SUN3: variants seen among roughly 807,000 people sequenced by gnomAD.
The protein encoded by SUN3 is Sad1 and UNC84 domain containing 3.
Under a neutral mutation model 48.2 loss-of-function variants are expected in SUN3, and 36 were observed. That is an observed-to-expected ratio of 0.75 (90% CI 0.57 to 0.99). The LOEUF (loss-of-function observed/expected upper bound fraction) is 0.99. Among genes scored for constraint, SUN3 ranks in the 50% least tolerant of loss-of-function variants. SUN3 has a pLI of 0.00. For missense variants in SUN3, 419 were observed against 433.1 expected (o/e 0.97, Z 0.29); for synonymous variants, 148 against 147.9 (o/e 1.00, Z 0.00).
Position 47,987,340 on chromosome 7 carries a change from T to C in SUN3, c.1064A>G (p.Lys355Arg), listed in dbSNP as rs762277950. 4 of 1,612,194 alleles carry C rather than the reference T, an allele frequency of 2.5e-6. No homozygotes were observed. Among genetic ancestry groups the C allele is most frequent in the Non-Finnish European group, 3.4e-6 (4 of 1,178,936 alleles). The change falls in exon 10 of 10, where the codon AAG becomes AGG. Residue 355 changes from lysine to arginine, a missense_variant. By Grantham distance (26) the Lys-to-Arg change is conservative (BLOSUM62 2). Coordinates refer to ENST00000297325, the MANE Select transcript of SUN3 (RefSeq NM_001030019.2). ...YRFRVHGTPGKHI is the reference protein window; with the variant it reads ...YRFRVHGTPGRHI ...TCTGTACCAACTCTTCTAGATGTGC[T>C]TGCCTGGTGTGCCATGGACCCTGAA...
chr7:47,996,364 A>G (rs1583748261), intron 6 of SUN3, among the ~76,000 whole-genome samples: 1 of 152,082 alleles, frequency 6.6e-6, no homozygotes, highest in Middle Eastern at 3.4e-3. Flanking sequence ...TTAGTTTCAC[A>G]AAATGTATGA....
the SUN3 span, among the ~76,000 whole-genome samples, chr7:48,035,211 TGAG>T: frequency 2.6e-5 from 4 of 152,300 alleles, no homozygotes; most frequent in South Asian, 6.2e-4. The surrounding 1 kb of genome is among the most constrained non-coding windows in gnomAD (Gnocchi z 4.0). Context: ...CAGAGCGGCA[TGAG>T]GAGGACTGAG....
intron 2 of SUN3, 52 bp from the exon 3 acceptor site, chr7:48,017,417 A>G: frequency 1.0e-6 from 1 of 971,530 alleles, no homozygotes; most frequent in African/African-American, 1.6e-5. Context: ...GAAACATAAA[A>G]TATTTTACAT....
At chr7:48,001,611 G>C (rs1166225200) in intron 6 of SUN3, among the ~76,000 whole-genome samples, 1 of 141,172 alleles carries the variant, frequency 7.1e-6, no homozygotes, top group African/African-American at 2.7e-5. Context: ...TTGGCTCACT[G>C]CAAGCTCCGC....
rs1421496790 is a variant in SUN3 at position 47,994,358 on chromosome 7, G to A, written c.818C>T (p.Pro273Leu). 2 of 1,613,486 alleles carry A rather than the reference G, an allele frequency of 1.2e-6. No individual in the cohort carries two copies. The highest frequency in any genetic ancestry group is 1.7e-6 in the Non-Finnish European group (2 of 1,179,828). Residue 273 changes from proline to leucine, a missense_variant, in exon 8 of 10, where the codon CCG becomes CTG. Pro to Leu is a moderately conservative substitution (Grantham distance 98). Transcript: ENST00000297325. ...TMEHISEKVSPSGNISSAPKE... is the reference protein window; with the variant it reads ...TMEHISEKVSLSGNISSAPKE... ...GGGTGCACTGGAGATGTTTCCTGAC[G>A]GAGACACCTTCTCTGAGATGTGCTC...
At chr7:48,011,504 A>G (rs1018487003) in intron 3 of SUN3, among the ~76,000 whole-genome samples, 17 of 152,172 alleles carry the variant, frequency 1.1e-4, no homozygotes, top group African/African-American at 4.1e-4. Context: ...TTGGGAGCTT[A>G]TCATTGGTAG....
intron 5 of SUN3, 126 bp downstream of exon 5, chr7:48,007,039 A>G (rs1462333015): frequency 2.1e-6 from 2 of 939,394 alleles, no homozygotes; most frequent in South Asian, 1.9e-5. Flanking sequence ...ATCAGTCAAC[A>G]CTGGACTTCC....
At chr7:47,995,832 TAATC>T (rs1336006304) in intron 7 of SUN3, among the ~76,000 whole-genome samples, 195 bp downstream of exon 7, 2 of 152,190 alleles carry the variant, frequency 1.3e-5, no homozygotes, top group Non-Finnish European at 2.9e-5. Flanking sequence ...AGTAAATAAT[TAATC>T]ATAGTTTACT....
At chr7:47,997,256 C>T (rs753611940) in intron 6 of SUN3, among the ~76,000 whole-genome samples, 1 of 152,164 alleles carries the variant, frequency 6.6e-6, no homozygotes, top group East Asian at 1.9e-4. Flanking sequence ...ATGTCCCATA[C>T]AATATTTGGG....
At chr7:48,009,438 G>A (rs560553337) in intron 3 of SUN3, among the ~76,000 whole-genome samples, 5 of 152,294 alleles carry the variant, frequency 3.3e-5, no homozygotes, top group African/African-American at 9.6e-5. Context: ...GAAGACAAGC[G>A]GGAGAGGCGC....
intron 6 of SUN3, among the ~76,000 whole-genome samples, chr7:48,004,716 G>A (rs1789476319): frequency 6.6e-6 from 1 of 152,222 alleles, no homozygotes; most frequent in African/African-American, 2.4e-5. Flanking sequence ...CACAGATTTA[G>A]CTGCCTACCT....
intron 2 of SUN3, among the ~76,000 whole-genome samples, chr7:48,021,875 A>T (rs938863862): frequency 5.9e-5 from 9 of 152,136 alleles, no homozygotes; most frequent in Non-Finnish European, 8.8e-5. Context: ...ATCTTCAAAA[A>T]ATGATAAACA....
chr7:48,011,462 C>T (rs1471412041), intron 3 of SUN3, among the ~76,000 whole-genome samples: 1 of 152,144 alleles, frequency 6.6e-6, no homozygotes, highest in South Asian at 2.1e-4. Flanking sequence ...ATACGTTCTC[C>T]TCAACATTTT....
rs532375029 is a variant in SUN3 at position 47,994,014 on chromosome 7, G to C, written c.861+301C>G. Among the ~76,000 whole-genome samples the C allele has an allele frequency of 1.2e-4, 19 of 152,290 alleles. 1 individual carries two copies. Among genetic ancestry groups the C allele is most frequent in the Admixed American group, 8.5e-4 (13 of 15,300 alleles). On this transcript the variant is annotated intron_variant, in intron 8 of 9. Transcript: ENST00000297325. ...AAATAAACATCTAAAATTGTTGCAA[G>C]TAGAAGCTTTGGGATAATGAGAATT...
chr7:47,992,242 G>T (rs1219890143), intron 8 of SUN3, among the ~76,000 whole-genome samples: 1 of 152,224 alleles, frequency 6.6e-6, no homozygotes, highest in Non-Finnish European at 1.5e-5. Flanking sequence ...AGACATGGGA[G>T]AAAAGTGTTG....
chr7:47,988,748 T>C, intron 9 of SUN3, 40 bp downstream of exon 9: 1 of 1,284,550 alleles, frequency 7.8e-7, no homozygotes, highest in South Asian at 1.4e-5. Flanking sequence ...TTTCTCCCAG[T>C]GATAGAGCTA....
At chr7:47,996,206 A>ATGTGT in intron 6 of SUN3, 60 bp from the exon 7 acceptor site, 1 of 947,136 alleles carries the variant, frequency 1.1e-6, no homozygotes, top group Non-Finnish European at 1.6e-6. Flanking sequence ...AAAACACATC[A>ATGTGT]TTTGAATTTT....
chr7:48,028,784 T>A, intron 1 of SUN3, 33 bp downstream of exon 1: 1 of 1,608,408 alleles, frequency 6.2e-7, no homozygotes, highest in Non-Finnish European at 8.5e-7. Context: ...AAACCTACAA[T>A]TTCAGGCACA....
upstream of SUN3, chr7:48,029,229 C>G: frequency 2.8e-6 from 1 of 359,058 alleles, no homozygotes; most frequent in Non-Finnish European, 5.2e-6. Flanking sequence ...ATATGTCACA[C>G]CCACTGAATA....
Sources: gnomAD v4.1 joint callset for allele counts (sites outside exome capture counted in the v4.1 genomes callset) on GRCh38, gnomAD v4.1.1 for gene constraint, Gnocchi (gnomAD v3.1) non-coding constraint, MANE v1.5 for transcripts, NCBI Gene and HGNC (gene_info 2026-07-23, HGNC 2026-07-21) for gene names.